Variants in CBFA2T3 observed in about 807,000 individuals in gnomAD.
CBFA2T3 encodes the protein CBFA2/RUNX1 partner transcriptional co-repressor 3.
Under a neutral mutation model 58.6 loss-of-function variants are expected in CBFA2T3, and 31 were observed. That is an observed-to-expected ratio of 0.53 (90% CI 0.40 to 0.71). The LOEUF (loss-of-function observed/expected upper bound fraction) is 0.71, where lower values mean the gene tolerates loss of function less well. Ranked by LOEUF, CBFA2T3 falls within the 30% of genes least tolerant of loss-of-function variation. The probability of loss-of-function intolerance (pLI) is 0.00; values close to 1 mark genes in which losing one functional copy is unlikely to be tolerated. For missense variants in CBFA2T3, 1,076 were observed against 963.1 expected (o/e 1.12, Z -1.55); for synonymous variants, 531 against 421.9 (o/e 1.26, Z -3.17).
chr16:88,891,202 A>G (rs1459811728), intron 5 of CBFA2T3, among the ~76,000 whole-genome samples: 1 of 150,830 alleles, frequency 6.6e-6, no homozygotes, highest in African/African-American at 2.4e-5. Context: ...TCTCCACCCC[A>G]CGTATTCTGT....
At chr16:88,938,024 C>G (rs1971563537) in intron 1 of CBFA2T3, 1 of 152,334 alleles carries the variant, frequency 6.6e-6, no homozygotes, top group African/African-American at 2.4e-5. Context: ...ACCTCCCTCC[C>G]CTGCACAGCA....
intron 1 of CBFA2T3, among the ~76,000 whole-genome samples, chr16:88,973,249 G>C (rs1972702373): frequency 6.6e-6 from 1 of 152,238 alleles, no homozygotes; most frequent in African/African-American, 2.4e-5. Flanking sequence ...GCCTAGGGTG[G>C]GCTGGGCCTT....
chr16:88,892,098 C>A, intron 4 of CBFA2T3, 127 bp from the exon 5 acceptor site: 1 of 1,359,444 alleles, frequency 7.4e-7, no homozygotes, highest in Non-Finnish European at 1.0e-6. Context: ...TGGGCACGGC[C>A]TGAGAGGGTG....
chr16:88,923,021 AG>A (rs1407093105), intron 1 of CBFA2T3, among the ~76,000 whole-genome samples: 1 of 152,170 alleles, frequency 6.6e-6, no homozygotes, highest in Non-Finnish European at 1.5e-5. Context: ...GGCTCTTTAC[AG>A]GCCCCCAGCG....
intron 1 of CBFA2T3, among the ~76,000 whole-genome samples, chr16:88,903,669 G>GC (rs1386031843): frequency 7.7e-6 from 1 of 129,902 alleles, no homozygotes; most frequent in African/African-American, 2.8e-5. Flanking sequence ...TGGGGGGGGG[G>GC]GCGTTCCTGG....
At chr16:88,904,893 A>T (rs1284148671) in intron 1 of CBFA2T3, among the ~76,000 whole-genome samples, 1 of 152,166 alleles carries the variant, frequency 6.6e-6, no homozygotes, top group Admixed American at 6.5e-5. Context: ...GATGACGCGG[A>T]GTTCCCCACG....
chr16:88,901,492 G>C lies in CBFA2T3; in HGVS notation c.304+12C>G, dbSNP rs1970095574. ...ACACCTGGCCCTCGGCTGCCAGGTG[G>C]GGGCTACTTACGTGTGTGTGGCGTG... On this transcript the variant is annotated intron_variant, in intron 2 of 11. Coordinates refer to ENST00000268679, the MANE Select transcript of CBFA2T3 (RefSeq NM_005187.6). 2.1e-6 allele frequency: 3 copies of C among 1,433,786 alleles called. No homozygotes were observed. Among genetic ancestry groups the C allele is most frequent in the African/African-American group, 3.0e-5 (2 of 66,494 alleles). 88.8% of individuals were successfully genotyped at this position (1,433,786 alleles called of 1,614,324 possible).
At chr16:88,930,450 C>T (rs981452198) in intron 1 of CBFA2T3, among the ~76,000 whole-genome samples, 10 of 152,218 alleles carry the variant, frequency 6.6e-5, no homozygotes, top group Admixed American at 4.6e-4. Flanking sequence ...CAACAACCCA[C>T]GCGTCCATCA....
chr16:88,936,602 C>T (rs1597755514), intron 1 of CBFA2T3, among the ~76,000 whole-genome samples: 1 of 152,340 alleles, frequency 6.6e-6, no homozygotes, highest in East Asian at 1.9e-4. Flanking sequence ...GGTGGCTAAG[C>T]GGGCGGGAAA....
At chr16:88,948,877 T>C (rs1278140203) in intron 1 of CBFA2T3, among the ~76,000 whole-genome samples, 1 of 152,084 alleles carries the variant, frequency 6.6e-6, no homozygotes, top group Non-Finnish European at 1.5e-5. Flanking sequence ...GCACAAACAG[T>C]TGGAAATCGG....
At chr16:88,956,971 C>T (rs80349594) in intron 1 of CBFA2T3, among the ~76,000 whole-genome samples, 4 of 142,424 alleles carry the variant, frequency 2.8e-5, no homozygotes, top group Admixed American at 6.9e-5. Flanking sequence ...AGTGGCTCAC[C>T]CGGAGACTGC....
intron 1 of CBFA2T3, among the ~76,000 whole-genome samples, chr16:88,975,363 C>A (rs1032395500): frequency 6.6e-6 from 1 of 152,198 alleles, no homozygotes; most frequent in East Asian, 1.9e-4. Context: ...CCACAGTAGA[C>A]GCCCCCATCC....
At chr16:88,893,688 T>C (rs554679) in intron 3 of CBFA2T3, among the ~76,000 whole-genome samples, 1,880 of 152,334 alleles carry the variant, frequency 0.012, 36 homozygotes, top group African/African-American at 0.043. Context: ...GAGACGTGAC[T>C]GCCTGGCTGG....
intron 3 of CBFA2T3, among the ~76,000 whole-genome samples, chr16:88,896,059 G>GC (rs1236123188): frequency 6.6e-6 from 1 of 152,150 alleles, no homozygotes; most frequent in African/African-American, 2.4e-5. Flanking sequence ...GCCCAAGTCA[G>GC]CCCCCCAGGG....
chr16:88,898,378 C>A (rs986910816), intron 2 of CBFA2T3, among the ~76,000 whole-genome samples: 1 of 152,150 alleles, frequency 6.6e-6, no homozygotes, highest in African/African-American at 2.4e-5. Context: ...CAGGGACGCC[C>A]GGGCCGCCGT....
chr16:88,949,514 G>C (rs1238701350), intron 1 of CBFA2T3, among the ~76,000 whole-genome samples: 2 of 149,096 alleles, frequency 1.3e-5, no homozygotes, highest in African/African-American at 2.5e-5. Flanking sequence ...AGCTGAAATC[G>C]AGTCACCTGC....
chr16:88,959,454 A>G (rs1450072088), intron 1 of CBFA2T3, among the ~76,000 whole-genome samples: 1 of 152,230 alleles, frequency 6.6e-6, no homozygotes, highest in Non-Finnish European at 1.5e-5. Flanking sequence ...CCGGGCACCA[A>G]GGCAGCACCC....
chr16:88,877,238 C>T lies in CBFA2T3; in HGVS notation c.1700G>A (p.Cys567Tyr). 6.4e-7 allele frequency: 1 copy of T among 1,555,584 alleles called. No individual in the cohort carries two copies. Among genetic ancestry groups the T allele is most frequent in the Non-Finnish European group, 8.7e-7 (1 of 1,150,256 alleles). Residue 567 changes from cysteine (C) to tyrosine (Y), a missense_variant, in exon 12 of 12, where the codon TGC (cysteine) becomes TAC (tyrosine). Cys to Tyr is a radical substitution (Grantham distance 194). Transcript: ENST00000268679. ...GTAGCGTGCCGCGTTGCAGCCGCTGCACGTCTCACTGGCTTTCCGCCCGCA... is the reference window on the plus strand; with the variant it reads ...GTAGCGTGCCGCGTTGCAGCCGCTGTACGTCTCACTGGCTTTCCGCCCGCA... ...WNCGRKASETCSGCNAARYCG... is the reference protein window; with the variant it reads ...WNCGRKASETYSGCNAARYCG...
chr16:88,893,861 G>A lies in CBFA2T3; in HGVS notation c.380-1376C>T, dbSNP rs979574314. Among the ~76,000 whole-genome samples the A allele has an allele frequency of 1.2e-4, 19 of 152,282 alleles. No individual in the cohort carries two copies. The East Asian group carries it at 3.3e-3, about 26-fold the overall frequency. On this transcript the variant is annotated intron_variant, in intron 3 of 11. Transcript: ENST00000268679. ...CCTGCGCCTGGGACACCCGCACCCCGTGCCCTTGGCCTCAGGAGCCTGAGG... is the reference window on the plus strand; with the variant it reads ...CCTGCGCCTGGGACACCCGCACCCCATGCCCTTGGCCTCAGGAGCCTGAGG...
Sources: allele counts gnomAD v4.1 joint callset (sites outside exome capture counted in the v4.1 genomes callset), GRCh38; gene constraint gnomAD v4.1.1; transcripts MANE v1.5; gene names NCBI Gene and HGNC (gene_info 2026-07-23, HGNC 2026-07-21).